Variants in FAM227B observed in about 807,000 individuals in gnomAD.
FAM227B encodes the protein family with sequence similarity 227 member B, also known as protein FAM227B.
FAM227B carries 88 observed loss-of-function variants against 73.8 expected under a neutral mutation model. The observed-to-expected ratio is 1.19, with a 90% confidence interval of 1.00 to 1.42. The LOEUF is 1.42. FAM227B is among the 40% of genes most tolerant of loss of function. The pLI is 0.00. For synonymous variants in FAM227B, 210 were observed against 190.5 expected (o/e 1.10, Z -0.84); for missense variants, 632 against 590.9 (o/e 1.07, Z -0.72).
chr15:49,513,413 G>C lies in FAM227B; in HGVS notation c.875-5065C>G, dbSNP rs529169258. On this transcript the variant is annotated intron_variant, in intron 10 of 15. Coordinates refer to ENST00000299338, the MANE Select transcript of FAM227B (RefSeq NM_152647.3). ...CCACATAAATATCTTCTTTTGAGAA[G>C]TGTCTCTTCATATCCTCTGCCCACT... 7.9e-5 allele frequency among the ~76,000 whole-genome samples: 12 copies of C among 152,282 alleles called. No homozygotes were observed. The East Asian group carries it at 2.3e-3, about 29-fold the overall frequency.
intron 11 of FAM227B, among the ~76,000 whole-genome samples, chr15:49,430,337 T>A (rs879667286): frequency 6.6e-6 from 1 of 151,870 alleles, no homozygotes; most frequent in Non-Finnish European, 1.5e-5. Flanking sequence ...TGTCTGCTTA[T>A]TCTGCACTTA....
At chr15:49,567,553 G>T (rs1306415766) in intron 9 of FAM227B, among the ~76,000 whole-genome samples, 1 of 152,064 alleles carries the variant, frequency 6.6e-6, no homozygotes, top group Non-Finnish European at 1.5e-5. Context: ...CATCATGAAA[G>T]ACACCTTTTT....
chr15:49,587,862 G>A (rs1270325270), intron 5 of FAM227B, among the ~76,000 whole-genome samples, 154 bp downstream of exon 5: 1 of 151,952 alleles, frequency 6.6e-6, no homozygotes, highest in Admixed American at 6.6e-5. Context: ...AAGAAAGTAA[G>A]TGCAGCTATC....
At chr15:49,523,781 G>A (rs535792274) in intron 10 of FAM227B, among the ~76,000 whole-genome samples, 1 of 152,344 alleles carries the variant, frequency 6.6e-6, no homozygotes, top group Admixed American at 6.5e-5. Context: ...AATCCAGTCT[G>A]AAGTGGTCTC....
intron 11 of FAM227B, among the ~76,000 whole-genome samples, chr15:49,385,955 T>C (rs893159840): frequency 6.6e-6 from 1 of 151,852 alleles, no homozygotes; most frequent in South Asian, 2.1e-4. Context: ...GAGATTACAA[T>C]CCTAAATTTA....
chr15:49,471,320 A>G (rs1466537277), intron 11 of FAM227B, among the ~76,000 whole-genome samples: 1 of 151,842 alleles, frequency 6.6e-6, no homozygotes, highest in Non-Finnish European at 1.5e-5. Context: ...CCCCTCCTCT[A>G]CTAAAAATAC....
intron 13 of FAM227B, chr15:49,365,769 C>G: frequency 1.2e-6 from 1 of 857,992 alleles, no homozygotes; most frequent in Non-Finnish European, 2.0e-6. Context: ...CATTTTGAAA[C>G]ACAGCCCAAA....
At chr15:49,430,857 C>A (rs1403426242) in intron 11 of FAM227B, among the ~76,000 whole-genome samples, 3 of 151,896 alleles carry the variant, frequency 2.0e-5, no homozygotes, top group African/African-American at 7.2e-5. Context: ...TAAATTTCAA[C>A]ATGAGTTTTG....
chr15:49,380,563 T>G (rs1372895168), intron 11 of FAM227B, among the ~76,000 whole-genome samples: 1 of 152,198 alleles, frequency 6.6e-6, no homozygotes, highest in East Asian at 1.9e-4. Context: ...GAAATCATCT[T>G]GAAATAAAAA....
At chr15:49,352,141 A>G (rs1161931526) in intron 13 of FAM227B, among the ~76,000 whole-genome samples, 3 of 152,148 alleles carry the variant, frequency 2.0e-5, no homozygotes, top group African/African-American at 7.2e-5. Flanking sequence ...CAGACTCTCC[A>G]TATGGTCTGA....
rs1356980008 is a variant in FAM227B at position 49,451,532 on chromosome 15, C to T, written c.1012+56679G>A. Among the ~76,000 whole-genome samples the T allele has an allele frequency of 3.9e-5, 6 of 151,932 alleles. No homozygotes were observed. The East Asian group carries it at 1.2e-3, about 29-fold the overall frequency. On this transcript the variant is annotated intron_variant, in intron 11 of 15. Coordinates refer to ENST00000299338, the MANE Select transcript of FAM227B (RefSeq NM_152647.3). Reference sequence around the variant, plus strand: ...ATTAAATTCTGAAATCTCAACTTTACTAAAATTTTAGTATTTATATTTTTT... The same window carrying T: ...ATTAAATTCTGAAATCTCAACTTTATTAAAATTTTAGTATTTATATTTTTT...
rs2075494459 is a variant in FAM227B, at chr15:49,577,071, T to C, written c.442-226A>G. 4 of 406,930 alleles carry C rather than the reference T, an allele frequency of 9.8e-6. No individual in the cohort carries two copies. The East Asian group carries it at 1.8e-4, about 19-fold the overall frequency. The allele number at this position is 406,930 out of a possible 1,614,324, so 25.2% of individuals were successfully genotyped here. On this transcript the variant is annotated intron_variant, in intron 6 of 15. Coordinates refer to ENST00000299338, the MANE Select transcript of FAM227B (RefSeq NM_152647.3). ...CACCACACTGGGAGGCTGAAGTGGG[T>C]GGATCACTTGAGGTCGGGAGTTCGA...
intron 13 of FAM227B, among the ~76,000 whole-genome samples, chr15:49,358,201 A>C (rs563914843): frequency 6.6e-6 from 1 of 150,632 alleles, no homozygotes; most frequent in South Asian, 2.1e-4. Context: ...CCTCCTCACC[A>C]CTCCTATTCA....
intron 11 of FAM227B, among the ~76,000 whole-genome samples, chr15:49,437,519 A>AT (rs1191627283): frequency 1.3e-5 from 2 of 151,534 alleles, no homozygotes; most frequent in East Asian, 1.9e-4. Flanking sequence ...TATTTTAAGG[A>AT]TTTTTTTGGG....
At chr15:49,545,124 T>C (rs897307824) in intron 9 of FAM227B, among the ~76,000 whole-genome samples, 2 of 151,606 alleles carry the variant, frequency 1.3e-5, no homozygotes, top group African/African-American at 4.8e-5. Context: ...TGAATTCATC[T>C]GATCCTCAAA....
At chr15:49,498,937 C>T (rs1345749599) in intron 11 of FAM227B, among the ~76,000 whole-genome samples, 5 of 151,688 alleles carry the variant, frequency 3.3e-5, no homozygotes, top group African/African-American at 7.3e-5. Context: ...GAGGCCGAGG[C>T]GGGCGGATCA....
intron 11 of FAM227B, among the ~76,000 whole-genome samples, chr15:49,450,923 G>T (rs569080865): frequency 1.3e-5 from 2 of 152,100 alleles, no homozygotes; most frequent in South Asian, 4.1e-4. Context: ...GATATAGTTA[G>T]TATAGCTACA....
intron 10 of FAM227B, among the ~76,000 whole-genome samples, chr15:49,532,510 A>G (rs1274436740): frequency 6.6e-6 from 1 of 151,920 alleles, no homozygotes; most frequent in Non-Finnish European, 1.5e-5. Flanking sequence ...TAAAAATTGC[A>G]AATAAAATAA....
chr15:49,466,830 G>A (rs949254617), intron 11 of FAM227B, among the ~76,000 whole-genome samples: 3 of 152,078 alleles, frequency 2.0e-5, no homozygotes, highest in African/African-American at 7.2e-5. Context: ...AAACTCAGAT[G>A]TTTTTATTTC....
Sources: gnomAD v4.1 joint callset for allele counts (sites outside exome capture counted in the v4.1 genomes callset) on GRCh38, gnomAD v4.1.1 for gene constraint, MANE v1.5 for transcripts, NCBI Gene and HGNC (gene_info 2026-07-23, HGNC 2026-07-21) for gene names.